Variants in METAP1 observed in about 807,000 individuals in gnomAD.
The protein encoded by METAP1 is methionine aminopeptidase 1.
Under a neutral mutation model 53.8 loss-of-function variants are expected in METAP1, and 28 were observed. That is an observed-to-expected ratio of 0.52 (90% confidence interval 0.39 to 0.71). The LOEUF is 0.71. Ranked by LOEUF, METAP1 falls within the 30% of genes least tolerant of loss-of-function variation. METAP1 has a pLI of 0.00. For missense variants in METAP1, 389 were observed against 479.8 expected (o/e 0.81, Z 1.77); for synonymous variants, 181 against 165.7 (o/e 1.09, Z -0.71).
At chr4:99,045,108 CATGTTGGAAAAACACTTGA>C in intron 7 of METAP1, 52 bp from the exon 8 acceptor site, 1 of 1,475,446 alleles carries the variant, frequency 6.8e-7, no homozygotes, top group Non-Finnish European at 9.3e-7. Context: ...TAGATGCTGT[CATGTTGGAAAAACACTTGA>C]ATTTTGAAAT....
intron 4 of METAP1, chr4:99,035,811 G>A (rs1381104250): frequency 3.0e-5 from 5 of 165,612 alleles, no homozygotes; most frequent in Non-Finnish European, 6.5e-5. Context: ...AGAGGCCTGA[G>A]TGAATGCATA....
intron 1 of METAP1, among the ~76,000 whole-genome samples, chr4:99,016,786 G>T (rs924328018): frequency 6.6e-6 from 1 of 152,182 alleles, no homozygotes; most frequent in Non-Finnish European, 1.5e-5. Flanking sequence ...TCAGTGACCT[G>T]TCTGGCCAGG....
At chr4:99,018,970 A>G (rs1723934764) in intron 1 of METAP1, among the ~76,000 whole-genome samples, 1 of 152,162 alleles carries the variant, frequency 6.6e-6, no homozygotes, top group Non-Finnish European at 1.5e-5. Flanking sequence ...TCTCATCAAC[A>G]GTAGTTAGCA....
intron 9 of METAP1, among the ~76,000 whole-genome samples, chr4:99,056,295 G>A (rs764197125): frequency 1.3e-5 from 2 of 152,068 alleles, no homozygotes; most frequent in Non-Finnish European, 2.9e-5. Context: ...TGTTTAACTT[G>A]GAATTTAAAT....
chr4:99,025,422 CTT>C, intron 1 of METAP1: 1 of 985,292 alleles, frequency 1.0e-6, no homozygotes, highest in Non-Finnish European at 1.2e-6. Context: ...AACTCTGACT[CTT>C]TTCAGTGATT....
chr4:99,001,512 G>T lies in METAP1; in HGVS notation c.114+5645G>T, dbSNP rs527294032. Among the ~76,000 whole-genome samples the T allele has an allele frequency of 2.0e-5, 3 of 152,248 alleles. No individual in the cohort carries two copies. The South Asian group carries it at 6.2e-4, about 32-fold the overall frequency. On this transcript the variant is annotated intron_variant, in intron 1 of 10. Transcript: ENST00000296411. ...AGTTGTGTATGTTTTTACAAAAATG[G>T]CAACCATAATACATATAATCTTAGA...
At chr4:99,001,518 A>G (rs1722926181) in intron 1 of METAP1, among the ~76,000 whole-genome samples, 2 of 152,250 alleles carry the variant, frequency 1.3e-5, no homozygotes, top group South Asian at 2.1e-4. Flanking sequence ...AATGGCAACC[A>G]TAATACATAT....
chr4:99,030,371 A>G (rs1300511931), intron 2 of METAP1, among the ~76,000 whole-genome samples: 4 of 152,164 alleles, frequency 2.6e-5, no homozygotes, highest in Non-Finnish European at 5.9e-5. Context: ...ACAACACTGG[A>G]TTTAGGCTAT....
At chr4:99,044,867 T>A (rs971634900) in intron 7 of METAP1, among the ~76,000 whole-genome samples, 4 of 152,222 alleles carry the variant, frequency 2.6e-5, no homozygotes, top group Admixed American at 1.3e-4. Context: ...TGTTACTAAC[T>A]CTGGTAATTT....
chr4:99,010,868 A>T (rs1455099836), intron 1 of METAP1, among the ~76,000 whole-genome samples: 2 of 152,124 alleles, frequency 1.3e-5, no homozygotes, highest in Non-Finnish European at 2.9e-5. Context: ...GCATTATACA[A>T]GTCTTTTAAC....
At chr4:99,025,612 A>G (rs1724508764) in intron 1 of METAP1, 2 of 512,284 alleles carry the variant, frequency 3.9e-6, no homozygotes, top group Non-Finnish European at 2.5e-6. Flanking sequence ...AACCAAAAAA[A>G]TAAAATTTGA....
intron 2 of METAP1, among the ~76,000 whole-genome samples, chr4:99,033,938 G>C (rs1725243864): frequency 6.6e-6 from 1 of 152,108 alleles, no homozygotes; most frequent in African/African-American, 2.4e-5. Context: ...TCTATGACCT[G>C]TTCTTGTTCG....
At chr4:99,045,400 C>A in intron 8 of METAP1, 90 bp downstream of exon 8, 1 of 1,435,784 alleles carries the variant, frequency 7.0e-7, no homozygotes, top group Non-Finnish European at 9.3e-7. Context: ...ATTCCTTGTA[C>A]CTTCCAGGTT....
chr4:99,023,559 A>T (rs1183962748), intron 1 of METAP1: 2 of 985,216 alleles, frequency 2.0e-6, no homozygotes, highest in Non-Finnish European at 2.4e-6. Flanking sequence ...TGGAAAAGAG[A>T]GAGAGGTAAT....
intron 1 of METAP1, among the ~76,000 whole-genome samples, chr4:99,006,139 C>T (rs979283780): frequency 2.0e-5 from 3 of 152,116 alleles, no homozygotes; most frequent in African/African-American, 7.2e-5. Context: ...TCATGAACAG[C>T]AGTGTTCACT....
chr4:99,048,406 T>C (rs1281037897), intron 8 of METAP1, among the ~76,000 whole-genome samples: 2 of 152,256 alleles, frequency 1.3e-5, no homozygotes, highest in South Asian at 2.1e-4. Context: ...ACAAGGTCTC[T>C]CTCTTTTGCC....
intron 7 of METAP1, among the ~76,000 whole-genome samples, chr4:99,044,191 G>C (rs1270725800): frequency 6.6e-6 from 1 of 152,142 alleles, no homozygotes; most frequent in Non-Finnish European, 1.5e-5. Context: ...GCCTCCCAAA[G>C]TCTTGGGATT....
At chr4:99,010,885 A>C (rs1723434187) in intron 1 of METAP1, among the ~76,000 whole-genome samples, 1 of 151,992 alleles carries the variant, frequency 6.6e-6, no homozygotes, top group South Asian at 2.1e-4. Flanking sequence ...TAACCTCCTT[A>C]GTTTAGGTTT....
At chr4:99,035,968 TC>T (rs1725394107) in intron 4 of METAP1, 2 of 154,592 alleles carry the variant, frequency 1.3e-5, no homozygotes, top group South Asian at 4.1e-4. Context: ...TGTGCTAAGT[TC>T]TTTGCACGTG....
Sources: allele counts gnomAD v4.1 joint callset (sites outside exome capture counted in the v4.1 genomes callset), GRCh38; gene constraint gnomAD v4.1.1; transcripts MANE v1.5; gene names NCBI Gene and HGNC (gene_info 2026-07-23, HGNC 2026-07-21).